The following STAG1 variants were observed in gnomAD, a reference collection of about 807,000 sequenced individuals.
STAG1 encodes the protein STAG1 cohesin complex component.
STAG1 carries 26 observed loss-of-function variants against 170.9 expected under a neutral mutation model. That is an observed-to-expected ratio of 0.15 (90% CI 0.11 to 0.21). The LOEUF is 0.21. Among genes scored for constraint, STAG1 ranks in the 10% least tolerant of loss-of-function variants. The pLI, the probability that STAG1 is intolerant of heterozygous loss-of-function variation, is 1.00. For synonymous variants in STAG1, 514 were observed against 497.7 expected, an observed-to-expected ratio of 1.03 and a Z score of -0.44; for missense variants, 964 against 1,509.5, an observed-to-expected ratio of 0.64 and a Z score of 5.99.
At chr3:136,668,854 T>A (rs1191595384) in intron 1 of STAG1, among the ~76,000 whole-genome samples, 2 of 152,156 alleles carry the variant, frequency 1.3e-5, no homozygotes, top group Non-Finnish European at 2.9e-5. Context: ...TCAAGGGAGA[T>A]CGAAGCAAAA....
rs567149892 is a variant in STAG1, at chr3:136,544,799, T to A, written c.395-2604A>T. On this transcript the variant is annotated intron_variant, in intron 5 of 33. Transcript: ENST00000383202. Reference sequence around the variant, plus strand: ...TTATAGCTTTTATGACACACCATTCTTGCTTACCTCAAATTACTGAAGTCT... The same window carrying A: ...TTATAGCTTTTATGACACACCATTCATGCTTACCTCAAATTACTGAAGTCT... Among the ~76,000 whole-genome samples the A allele has an allele frequency of 2.6e-5, 4 of 152,226 alleles. No individual in the cohort carries two copies. The South Asian group carries it at 8.3e-4, about 32-fold the overall frequency.
At chr3:136,376,663 T>A (rs1937619523) in intron 23 of STAG1, among the ~76,000 whole-genome samples, 1 of 152,122 alleles carries the variant, frequency 6.6e-6, no homozygotes. Flanking sequence ...AGTTTCAAGA[T>A]GTGGGGCTAA....
At chr3:136,736,760 T>C (rs1559981381) in intron 1 of STAG1, 12 of 1,600,590 alleles carry the variant, frequency 7.5e-6, no homozygotes, top group Non-Finnish European at 8.5e-6. Context: ...TTTCATTGTC[T>C]GTTTATATAC....
chr3:136,463,017 A>C (rs943976439), intron 13 of STAG1, among the ~76,000 whole-genome samples: 1 of 152,202 alleles, frequency 6.6e-6, no homozygotes, highest in Non-Finnish European at 1.5e-5. Context: ...AAAGTAGAGA[A>C]TAGAGACTAA....
At chr3:136,540,770 T>C (rs1268287489) in intron 6 of STAG1, among the ~76,000 whole-genome samples, 2 of 120,156 alleles carry the variant, frequency 1.7e-5, no homozygotes, top group Non-Finnish European at 3.2e-5. Context: ...TAAAGTAAGC[T>C]GAGACAATGC....
intron 21 of STAG1, among the ~76,000 whole-genome samples, chr3:136,400,924 A>G (rs2087306133): frequency 6.6e-6 from 1 of 152,230 alleles, no homozygotes; most frequent in South Asian, 2.1e-4. Context: ...TCTTAATAGA[A>G]AACAACTGAA....
At chr3:136,422,187 G>C (rs926451477) in intron 19 of STAG1, among the ~76,000 whole-genome samples, 2 of 149,856 alleles carry the variant, frequency 1.3e-5, no homozygotes, top group Non-Finnish European at 3.0e-5. Context: ...TCTTGAAAGA[G>C]AAAAGAAATT....
chr3:136,551,604 T>C (rs1238068945), intron 5 of STAG1, among the ~76,000 whole-genome samples: 2 of 150,796 alleles, frequency 1.3e-5, no homozygotes, highest in Non-Finnish European at 3.0e-5. Context: ...GAATAGTTCA[T>C]GTGTCTATTC....
intron 23 of STAG1, among the ~76,000 whole-genome samples, chr3:136,369,666 A>C (rs1363053547): frequency 6.6e-6 from 1 of 152,224 alleles, no homozygotes; most frequent in African/African-American, 2.4e-5. Context: ...AACAAAGATT[A>C]GAAATCAATT....
At chr3:136,487,610 C>T (rs1414028520) in intron 9 of STAG1, among the ~76,000 whole-genome samples, 1 of 152,160 alleles carries the variant, frequency 6.6e-6, no homozygotes, top group East Asian at 1.9e-4. Context: ...TCTAGTGCTC[C>T]AATCCACTTT....
intron 1 of STAG1, among the ~76,000 whole-genome samples, chr3:136,658,179 G>C (rs1237307276): frequency 6.6e-6 from 1 of 150,456 alleles, no homozygotes. Context: ...GACAGAGCCA[G>C]GTCCTGTATC....
intron 1 of STAG1, among the ~76,000 whole-genome samples, chr3:136,705,983 T>A (rs1943217949): frequency 6.6e-6 from 1 of 151,034 alleles, no homozygotes; most frequent in South Asian, 2.1e-4. Context: ...GGTGGGAGGA[T>A]CACTTGGGCA....
intron 4 of STAG1, among the ~76,000 whole-genome samples, chr3:136,574,647 A>C (rs1937391021): frequency 6.6e-6 from 1 of 152,190 alleles, no homozygotes; most frequent in South Asian, 2.1e-4. Context: ...AACAACATTA[A>C]ATTTTAACAC....
intron 1 of STAG1, among the ~76,000 whole-genome samples, chr3:136,698,014 T>A (rs1942948796): frequency 6.6e-6 from 1 of 151,274 alleles, no homozygotes; most frequent in East Asian, 1.9e-4. Context: ...CAAGATTACG[T>A]CTTGGGAAAA....
chr3:136,463,514 C>G (rs1403079135), intron 13 of STAG1, among the ~76,000 whole-genome samples: 2 of 151,796 alleles, frequency 1.3e-5, no homozygotes, highest in East Asian at 3.9e-4. Context: ...AATCCATGAA[C>G]AAAAATCCAA....
At chr3:136,539,224 C>G (rs550671352) in intron 6 of STAG1, among the ~76,000 whole-genome samples, 1 of 152,024 alleles carries the variant, frequency 6.6e-6, no homozygotes, top group Admixed American at 6.6e-5. Flanking sequence ...TGAGCTTTCC[C>G]CTATCATATC....
intron 6 of STAG1, among the ~76,000 whole-genome samples, chr3:136,523,868 T>A (rs2107911816): frequency 6.6e-6 from 1 of 152,270 alleles, no homozygotes; most frequent in East Asian, 1.9e-4. Flanking sequence ...TCCCCATTGC[T>A]TGTTTTTCTC....
intron 6 of STAG1, 37 bp from the exon 7 acceptor site, chr3:136,521,454 A>G: frequency 6.3e-7 from 1 of 1,579,336 alleles, no homozygotes; most frequent in South Asian, 1.1e-5. Flanking sequence ...AGTATGTCAC[A>G]TTACAGAGTT....
At chr3:136,371,129 ATG>A (rs1937310664) in intron 23 of STAG1, among the ~76,000 whole-genome samples, 1 of 151,948 alleles carries the variant, frequency 6.6e-6, no homozygotes. Flanking sequence ...GCATTTTTTC[ATG>A]TGTTTTTTGG....
Sources: allele counts gnomAD v4.1 joint callset (sites outside exome capture counted in the v4.1 genomes callset), GRCh38; gene constraint gnomAD v4.1.1; transcripts MANE v1.5; gene names NCBI Gene and HGNC (gene_info 2026-07-23, HGNC 2026-07-21).